The following PPARGC1A variants were observed in gnomAD, a reference collection of about 807,000 sequenced individuals.
PPARGC1A encodes peroxisome proliferator-activated receptor gamma coactivator 1-alpha.
PPARGC1A carries 25 observed loss-of-function variants against 88.7 expected under a neutral mutation model. The ratio of observed to expected loss-of-function variants is 0.28; its 90% CI spans 0.21 to 0.39. The LOEUF (loss-of-function observed/expected upper bound fraction) is 0.39. PPARGC1A is among the 10% of genes least tolerant of loss of function. PPARGC1A has a pLI of 1.00. For synonymous variants in PPARGC1A, 363 were observed against 355.6 expected (o/e 1.02, Z -0.24); for missense variants, 880 against 968.7 (o/e 0.91, Z 1.22).
chr4:24,087,969 C>T, the PPARGC1A span, among the ~76,000 whole-genome samples: 1 of 152,098 alleles, frequency 6.6e-6, no homozygotes, highest in Non-Finnish European at 1.5e-5. Flanking sequence ...AAAGAAAATC[C>T]TTTCGGGGAA....
At chr4:24,207,543 C>T in the PPARGC1A span, among the ~76,000 whole-genome samples, 8 of 152,272 alleles carry the variant, frequency 5.3e-5, no homozygotes, top group African/African-American at 1.9e-4. Context: ...CATTTTTAAA[C>T]AAGACAGAAA....
chr4:24,254,690 G>A, the PPARGC1A span, among the ~76,000 whole-genome samples: 5 of 152,168 alleles, frequency 3.3e-5, no homozygotes, highest in Middle Eastern at 3.2e-3. Flanking sequence ...TCCTGGCCTC[G>A]GGATAACACT....
chr4:23,848,159 C>T (rs950339224), intron 2 of PPARGC1A, among the ~76,000 whole-genome samples: 3 of 152,286 alleles, frequency 2.0e-5, no homozygotes, highest in South Asian at 4.1e-4. Flanking sequence ...AAGAGTTAAG[C>T]AGCATTATAT....
chr4:23,912,756 A>G, the PPARGC1A span, among the ~76,000 whole-genome samples: 1 of 150,852 alleles, frequency 6.6e-6, no homozygotes, highest in Admixed American at 6.6e-5. Context: ...TACCAATTGT[A>G]GCCTTGCCAG....
chr4:24,268,133 T>C, the PPARGC1A span, among the ~76,000 whole-genome samples: 51,906 of 152,208 alleles, frequency 0.34, 10,434 homozygotes, highest in Non-Finnish European at 0.46. Flanking sequence ...CATGGATCCA[T>C]GTCATGGATC....
chr4:23,868,215 C>T (rs1712471719), intron 2 of PPARGC1A, among the ~76,000 whole-genome samples: 2 of 152,180 alleles, frequency 1.3e-5, no homozygotes, highest in South Asian at 4.1e-4. Context: ...ATTCGCTTAA[C>T]ACAACCACAT....
chr4:23,901,230 C>T (rs1033331242), upstream of PPARGC1A, among the ~76,000 whole-genome samples: 2 of 152,052 alleles, frequency 1.3e-5, no homozygotes, highest in South Asian at 2.1e-4. Flanking sequence ...ATTAGCCAGG[C>T]GTGGTGGCAG....
the PPARGC1A span, among the ~76,000 whole-genome samples, chr4:24,469,432 G>T: frequency 1.3e-5 from 2 of 152,214 alleles, no homozygotes; most frequent in African/African-American, 2.4e-5. Context: ...TACCACCAGA[G>T]ATTAAAGCTT....
chr4:24,161,500 C>A, the PPARGC1A span, among the ~76,000 whole-genome samples: 11 of 152,132 alleles, frequency 7.2e-5, no homozygotes, highest in Admixed American at 2.0e-4. Context: ...AGCCCCCAAA[C>A]CCCAGTTTCC....
At chr4:24,266,943 T>G in the PPARGC1A span, among the ~76,000 whole-genome samples, 1 of 152,162 alleles carries the variant, frequency 6.6e-6, no homozygotes, top group East Asian at 1.9e-4. Flanking sequence ...AATGGTCTGC[T>G]TCAGTTTCCT....
intron 10 of PPARGC1A, among the ~76,000 whole-genome samples, chr4:23,810,396 A>G (rs779827980): frequency 6.6e-6 from 1 of 152,192 alleles, no homozygotes; most frequent in Non-Finnish European, 1.5e-5. Flanking sequence ...TAACAGAGGA[A>G]CTAGTCAACA....
chr4:24,051,045 A>G, the PPARGC1A span, among the ~76,000 whole-genome samples: 2 of 152,042 alleles, frequency 1.3e-5, no homozygotes, highest in Admixed American at 6.6e-5. Flanking sequence ...AAAAATAGCC[A>G]GGCATGGTGG....
the PPARGC1A span, among the ~76,000 whole-genome samples, chr4:24,353,650 A>G: frequency 2.6e-5 from 4 of 152,252 alleles, no homozygotes; most frequent in African/African-American, 9.6e-5. Flanking sequence ...GTGAGAGTTA[A>G]GTAAGATCAT....
the PPARGC1A span, among the ~76,000 whole-genome samples, chr4:24,180,397 A>G: frequency 2.6e-5 from 4 of 152,240 alleles, no homozygotes; most frequent in African/African-American, 9.6e-5. Context: ...ATAACTTAAA[A>G]TTAAAATGTA....
At position 23,805,116 on chromosome 4, in the gene PPARGC1A, T is replaced by G. The variant is rs148488364; in HGVS notation, c.2020-2771A>C. ...ATCAGTTACTAATCAATTAATCATC[T>G]TGAACACTTATCCCATTCCCTTCAT... On this transcript the variant is annotated intron_variant, in intron 10 of 12. Transcript: ENST00000264867. Among the ~76,000 whole-genome samples, 27 of 144,126 alleles carry G rather than the reference T, an allele frequency of 1.9e-4. No homozygotes were observed. In the East Asian group the frequency reaches 5.3e-3, roughly 28 times the overall value. 94.6% of individuals were successfully genotyped at this position (144,126 alleles called of 152,430 possible). A position where few individuals can be genotyped will look rare whatever the true frequency, so the allele number is the denominator to read the frequency against.
the PPARGC1A span, among the ~76,000 whole-genome samples, chr4:24,256,509 A>G: frequency 6.6e-6 from 1 of 152,188 alleles, no homozygotes; most frequent in Non-Finnish European, 1.5e-5. Context: ...TATATTATTT[A>G]TGCACTCAGC....
the PPARGC1A span, among the ~76,000 whole-genome samples, chr4:24,137,127 A>AG: frequency 6.6e-6 from 1 of 151,892 alleles, no homozygotes; most frequent in Non-Finnish European, 1.5e-5. Flanking sequence ...AAAAAAAAAA[A>AG]AAAAAGTAAT....
At chr4:24,056,567 A>G in the PPARGC1A span, among the ~76,000 whole-genome samples, 2 of 152,182 alleles carry the variant, frequency 1.3e-5, no homozygotes, top group African/African-American at 2.4e-5. Flanking sequence ...TGGCCAGCAC[A>G]TAGAATAGGG....
At chr4:24,136,734 G>T in the PPARGC1A span, among the ~76,000 whole-genome samples, 1 of 152,132 alleles carries the variant, frequency 6.6e-6, no homozygotes, top group Non-Finnish European at 1.5e-5. Flanking sequence ...GAACTGAACT[G>T]TGTCCCCTGA....
Sources: gnomAD v4.1 joint callset for allele counts (sites outside exome capture counted in the v4.1 genomes callset) on GRCh38, gnomAD v4.1.1 for gene constraint, MANE v1.5 for transcripts, NCBI Gene and HGNC (gene_info 2026-07-23, HGNC 2026-07-21) for gene names.